BLK: variants seen among roughly 807,000 people sequenced by gnomAD.
BLK encodes the protein tyrosine-protein kinase Blk.
BLK carries 64 observed loss-of-function variants against 61.8 expected under a neutral mutation model. That is an observed-to-expected ratio of 1.03 (90% CI 0.85 to 1.27). The LOEUF is 1.27. Among genes scored for constraint, BLK ranks in the 50% most tolerant of loss-of-function variants. The probability of loss-of-function intolerance (pLI) is 0.00; values close to 1 mark genes in which losing one functional copy is unlikely to be tolerated. For missense variants in BLK, 853 were observed against 660.5 expected (o/e 1.29, Z -3.19); for synonymous variants, 351 against 272.0 (o/e 1.29, Z -2.86).
intron 3 of BLK, among the ~76,000 whole-genome samples, chr8:11,547,431 G>A (rs561882293): frequency 6.6e-5 from 10 of 152,302 alleles, no homozygotes; most frequent in Middle Eastern, 3.4e-3. Flanking sequence ...GGGCTCACTT[G>A]AAGATGGTGC....
intron 2 of BLK, among the ~76,000 whole-genome samples, chr8:11,543,939 G>C (rs1800505191): frequency 6.6e-6 from 1 of 151,764 alleles, no homozygotes; most frequent in Non-Finnish European, 1.5e-5. Context: ...AGCTCCTTTT[G>C]ATGGCTACAG....
At chr8:11,525,192 C>A (rs78199295) in intron 1 of BLK, among the ~76,000 whole-genome samples, 1 of 152,174 alleles carries the variant, frequency 6.6e-6, no homozygotes, top group Non-Finnish European at 1.5e-5. Context: ...GGCACACAGA[C>A]GTATTTGCTT....
chr8:11,525,479 C>T (rs564154572), intron 1 of BLK, among the ~76,000 whole-genome samples: 2 of 11,622 alleles, frequency 1.7e-4, no homozygotes, highest in Middle Eastern at 0.02. Context: ...ACAAAACATT[C>T]TGCAATTTAC....
chr8:11,547,930 G>A, intron 3 of BLK, 102 bp from the exon 4 acceptor site: 1 of 1,010,688 alleles, frequency 9.9e-7, no homozygotes, highest in Non-Finnish European at 1.6e-6. Context: ...TTTCCATCGT[G>A]GGCAAGCAGA....
intron 1 of BLK, among the ~76,000 whole-genome samples, chr8:11,507,976 G>A (rs1057116811): frequency 2.6e-5 from 4 of 152,152 alleles, no homozygotes; most frequent in African/African-American, 9.7e-5. Flanking sequence ...TGGTGGCTCT[G>A]TGTGGCACAT....
Position 11,548,081 on chromosome 8 carries a change from G to T in BLK, c.225G>T (p.Arg75=), listed in dbSNP as rs572862103. The T allele has an allele frequency of 1.9e-6, 3 of 1,613,856 alleles. No individual in the cohort carries two copies. The highest frequency in any genetic ancestry group is 3.3e-5 in the Admixed American group (2 of 60,002). ...ATGACTACACCGCTATGAATGATCGGGACCTGCAGATGCTGAAGGGGGAGA... is the reference window on the plus strand; with the variant it reads ...ATGACTACACCGCTATGAATGATCGTGACCTGCAGATGCTGAAGGGGGAGA... ...ALYDYTAMND[R]DLQMLKGEKL... The change falls in exon 4 of 13, where the codon CGG becomes CGT. Residue 75 remains arginine (R), a synonymous_variant. Coordinates refer to ENST00000259089, the MANE Select transcript of BLK (RefSeq NM_001715.3).
intron 1 of BLK, among the ~76,000 whole-genome samples, chr8:11,525,143 C>G (rs1416119005): frequency 6.6e-6 from 1 of 152,212 alleles, no homozygotes; most frequent in Non-Finnish European, 1.5e-5. Context: ...TCTGTCACCT[C>G]TTTCGTGCTG....
chr8:11,560,827 C>T (rs1211583699), intron 10 of BLK: 1 of 457,814 alleles, frequency 2.2e-6, no homozygotes, highest in African/African-American at 2.0e-5. Flanking sequence ...AGGACTGTGG[C>T]CCCTCGGGGA....
intron 9 of BLK, among the ~76,000 whole-genome samples, chr8:11,557,661 C>T (rs975124076): frequency 3.9e-5 from 6 of 152,196 alleles, no homozygotes; most frequent in African/African-American, 1.4e-4. Flanking sequence ...CGAGTCAGAA[C>T]TGGGGTCCCA....
At position 11,562,511 on chromosome 8, in the gene BLK, G is replaced by A. The variant is rs542177148; in HGVS notation, c.1181-468G>A. Among the ~76,000 whole-genome samples, 15 of 152,284 alleles carry A rather than the reference G, an allele frequency of 9.9e-5. No homozygotes were observed. The South Asian group carries it at 2.7e-3, about 27-fold the overall frequency. ...CATTGAGGTGCTTCACAGGGCAGCC[G>A]GATGTGAGTTCTTCCTCATAGCGGC... On this transcript the variant is annotated intron_variant, in intron 11 of 12. Transcript: ENST00000259089.
At chr8:11,508,755 C>G (rs116288328) in intron 1 of BLK, among the ~76,000 whole-genome samples, 1 of 152,174 alleles carries the variant, frequency 6.6e-6, no homozygotes, top group African/African-American at 2.4e-5. Flanking sequence ...CTGTGTGCAC[C>G]CATCTCTCCT....
chr8:11,532,095 G>C (rs1225587926), intron 1 of BLK, among the ~76,000 whole-genome samples: 2 of 151,798 alleles, frequency 1.3e-5, no homozygotes, highest in African/African-American at 4.8e-5. Context: ...CTGACCTCAA[G>C]TAATTCACCT....
intron 10 of BLK, chr8:11,558,911 C>T: frequency 2.2e-6 from 1 of 455,956 alleles, no homozygotes; most frequent in South Asian, 1.5e-5. Context: ...CCCAGCCTTA[C>T]CCAGTAGCGC....
intron 1 of BLK, among the ~76,000 whole-genome samples, chr8:11,515,436 G>C (rs1799186368): frequency 6.6e-6 from 1 of 152,114 alleles, no homozygotes; most frequent in Admixed American, 6.5e-5. Flanking sequence ...GAGTCCTCAG[G>C]GCCTGGGGGA....
chr8:11,559,069 C>A, intron 10 of BLK: 1 of 450,574 alleles, frequency 2.2e-6, no homozygotes, highest in South Asian at 1.6e-5. Context: ...GCTTCCTTTC[C>A]CCTTCCTTCT....
chr8:11,554,650 C>A (rs1801102446), intron 6 of BLK, 93 bp from the exon 7 acceptor site: 2 of 1,517,072 alleles, frequency 1.3e-6, no homozygotes, highest in Non-Finnish European at 1.8e-6. Context: ...AATTGGGGAA[C>A]TTTTTTCAAA....
intron 1 of BLK, among the ~76,000 whole-genome samples, chr8:11,521,736 C>T (rs578134491): frequency 6.6e-6 from 1 of 152,348 alleles, no homozygotes; most frequent in East Asian, 1.9e-4. Context: ...GCCTCCCCGG[C>T]ATGTGCATGA....
intron 1 of BLK, among the ~76,000 whole-genome samples, chr8:11,510,100 A>T (rs186414621): frequency 4.5e-4 from 68 of 152,328 alleles, no homozygotes; most frequent in African/African-American, 1.6e-3. Context: ...ATGATTGAAA[A>T]AATAAATGCA....
At chr8:11,544,978 C>G (rs978756702) in intron 2 of BLK, among the ~76,000 whole-genome samples, 1 of 152,142 alleles carries the variant, frequency 6.6e-6, no homozygotes, top group Non-Finnish European at 1.5e-5. Context: ...GGCCCCAATA[C>G]CCAGAATCTG....
Sources: allele counts gnomAD v4.1 joint callset (sites outside exome capture counted in the v4.1 genomes callset), GRCh38; gene constraint gnomAD v4.1.1; transcripts MANE v1.5; gene names NCBI Gene and HGNC (gene_info 2026-07-23, HGNC 2026-07-21).